The following BTBD9 variants were observed in gnomAD, a reference collection of about 807,000 sequenced individuals.
BTBD9 encodes BTB/POZ domain-containing protein 9.
In BTBD9, 49 loss-of-function variants were observed where a neutral mutation model predicts 64.3. The observed-to-expected ratio is 0.76, with a 90% CI of 0.61 to 0.97. BTBD9 has a LOEUF of 0.97. Ranked by LOEUF, BTBD9 falls within the 50% of genes least tolerant of loss-of-function variation. The pLI, the probability that BTBD9 is intolerant of heterozygous loss-of-function variation, is 0.00. For synonymous variants in BTBD9, 260 were observed against 274.7 expected (o/e 0.95, Z 0.53); for missense variants, 598 against 762.1 (o/e 0.78, Z 2.53).
At chr6:38,365,928 G>A (rs1765169613) in intron 6 of BTBD9, among the ~76,000 whole-genome samples, 1 of 152,140 alleles carries the variant, frequency 6.6e-6, no homozygotes, top group African/African-American at 2.4e-5. Context: ...GACAACTGCT[G>A]GTTCTCAAAA....
chr6:38,550,093 C>G (rs1007381408), intron 6 of BTBD9, among the ~76,000 whole-genome samples: 1 of 152,128 alleles, frequency 6.6e-6, no homozygotes, highest in African/African-American at 2.4e-5. Context: ...ATGTATCCAG[C>G]GCAGACTTCT....
Position 38,374,283 on chromosome 6 carries a change from G to GTATATATATATATATA in BTBD9, c.1155-29191_1155-29190insTATATATATATATATA, listed in dbSNP as rs57568036. Among the ~76,000 whole-genome samples, 33 of 45,468 alleles carry GTATATATATATATATA rather than the reference G, an allele frequency of 7.3e-4. No individual in the cohort carries two copies. In the East Asian group the frequency reaches 0.013, roughly 18 times the overall value. 29.8% of individuals were successfully genotyped at this position (45,468 alleles called of 152,430 possible). On this transcript the variant is annotated intron_variant, in intron 6 of 10. Coordinates refer to ENST00000481247, the MANE Select transcript of BTBD9 (RefSeq NM_001099272.2). ...GGCCTTGTGTCGAAAAAAAAAAAAA[G>GTATATATATATATATA]TATATATATATATGTATATATATGT...
In BTBD9 at chr6:38,174,775, C is replaced by G; in HGVS notation, c.*210G>C. The G allele has an allele frequency of 1.7e-6, 1 of 591,972 alleles. No homozygotes were observed. The highest frequency in any genetic ancestry group is 2.9e-6 in the Non-Finnish European group (1 of 341,366). The allele number at this position is 591,972 out of a possible 1,614,324, so 36.7% of individuals were successfully genotyped here. A position where few individuals can be genotyped will look rare whatever the true frequency, so the allele number is the denominator to read the frequency against. ...AAGACCCATTTTCTCCCCCTTGAGACCTGCCTGATTTGGATAAATTGAGAA... is the reference window on the plus strand; with the variant it reads ...AAGACCCATTTTCTCCCCCTTGAGAGCTGCCTGATTTGGATAAATTGAGAA... On this transcript the variant is annotated 3_prime_UTR_variant, in exon 11 of 11. Transcript: ENST00000481247.
chr6:38,596,028 A>G (rs933245779), intron 2 of BTBD9: 2 of 985,336 alleles, frequency 2.0e-6, no homozygotes, highest in African/African-American at 1.7e-5. Context: ...CAGAGGTTCA[A>G]TGTTTACTAT....
At chr6:38,343,758 T>C (rs1388434727) in intron 7 of BTBD9, among the ~76,000 whole-genome samples, 1 of 152,236 alleles carries the variant, frequency 6.6e-6, no homozygotes, top group Non-Finnish European at 1.5e-5. Flanking sequence ...GGCAGCTATT[T>C]CAGTTGAGCT....
chr6:38,333,726 C>T (rs773946137), intron 7 of BTBD9, among the ~76,000 whole-genome samples: 14 of 152,204 alleles, frequency 9.2e-5, no homozygotes, highest in Non-Finnish European at 1.9e-4. Context: ...CCCACAAAAC[C>T]ATGAGCCAAT....
chr6:38,290,267 T>C (rs1761907924), intron 7 of BTBD9, among the ~76,000 whole-genome samples: 1 of 151,558 alleles, frequency 6.6e-6, no homozygotes, highest in Non-Finnish European at 1.5e-5. Flanking sequence ...TGAAATTACC[T>C]GTAAGGACAG....
At chr6:38,462,018 T>A (rs1188927240) in intron 6 of BTBD9, among the ~76,000 whole-genome samples, 2 of 152,166 alleles carry the variant, frequency 1.3e-5, no homozygotes, top group Non-Finnish European at 2.9e-5. Flanking sequence ...CCCCCTGAGG[T>A]GTTTTTGTTG....
At chr6:38,387,812 T>C (rs2127619889) in intron 6 of BTBD9, among the ~76,000 whole-genome samples, 1 of 152,218 alleles carries the variant, frequency 6.6e-6, no homozygotes, top group African/African-American at 2.4e-5. Flanking sequence ...AATACATCCA[T>C]GCAGAATCAT....
intron 1 of BTBD9, among the ~76,000 whole-genome samples, chr6:38,637,935 G>T (rs1303546009): frequency 6.6e-6 from 1 of 152,116 alleles, no homozygotes; most frequent in Non-Finnish European, 1.5e-5. Flanking sequence ...TGATAAGCCC[G>T]CCTTAATCCT....
chr6:38,328,966 AT>A (rs1562031655), intron 7 of BTBD9, among the ~76,000 whole-genome samples: 3 of 93,032 alleles, frequency 3.2e-5, no homozygotes, highest in African/African-American at 1.6e-4. Context: ...AAGAAAGAAA[AT>A]ATGTGTGTGT....
intron 6 of BTBD9, among the ~76,000 whole-genome samples, chr6:38,529,916 C>A (rs958937545): frequency 1.3e-5 from 2 of 151,510 alleles, no homozygotes; most frequent in Admixed American, 6.6e-5. Context: ...TGACTGCCTG[C>A]GGGGTCAGGC....
chr6:38,291,965 C>CT (rs562126426), intron 7 of BTBD9, among the ~76,000 whole-genome samples: 5,316 of 142,946 alleles, frequency 0.037, 242 homozygotes, highest in African/African-American at 0.11. Flanking sequence ...TTTTTTCTTT[C>CT]TTTTTTTTTT....
intron 6 of BTBD9, among the ~76,000 whole-genome samples, chr6:38,409,404 AAGAT>A (rs1446004708): frequency 1.2e-4 from 19 of 152,376 alleles, no homozygotes; most frequent in Admixed American, 7.2e-4. Flanking sequence ...GAAAAGATGT[AAGAT>A]AGAGTACCCT....
intron 6 of BTBD9, among the ~76,000 whole-genome samples, chr6:38,489,579 G>A (rs1402961211): frequency 6.6e-6 from 1 of 152,072 alleles, no homozygotes; most frequent in South Asian, 2.1e-4. Context: ...CAATTCCATT[G>A]TGTGTATGTA....
intron 9 of BTBD9, among the ~76,000 whole-genome samples, chr6:38,226,420 G>A (rs1763394660): frequency 6.6e-6 from 1 of 152,150 alleles, no homozygotes; most frequent in Non-Finnish European, 1.5e-5. Context: ...CCTTGCTGCT[G>A]CTCCAACTCT....
At position 38,507,577 on chromosome 6, in the gene BTBD9, G is replaced by A. The variant is rs572342640; in HGVS notation, c.1154+70023C>T. Among the ~76,000 whole-genome samples the A allele has an allele frequency of 1.4e-4, 22 of 152,174 alleles. 1 individual carries two copies. Among genetic ancestry groups the A allele is most frequent in the South Asian group, 6.2e-4 (3 of 4,806 alleles). On this transcript the variant is annotated intron_variant, in intron 6 of 10. Coordinates refer to ENST00000481247, the MANE Select transcript of BTBD9 (RefSeq NM_001099272.2). ...ATGGAAATGTCTTACTGACCTCTCCGTGACATTTAATCCTGTTCATCACTC... is the reference window on the plus strand; with the variant it reads ...ATGGAAATGTCTTACTGACCTCTCCATGACATTTAATCCTGTTCATCACTC...
At chr6:38,299,417 C>T (rs1223253012) in intron 7 of BTBD9, among the ~76,000 whole-genome samples, 11 of 152,138 alleles carry the variant, frequency 7.2e-5, no homozygotes, top group Non-Finnish European at 1.5e-4. Flanking sequence ...TTCTAGATCC[C>T]TGAGGAATCG....
chr6:38,350,217 A>G (rs780592262), intron 6 of BTBD9, among the ~76,000 whole-genome samples: 106 of 152,200 alleles, frequency 7.0e-4, no homozygotes, highest in Non-Finnish European at 1.2e-3. Context: ...TTTGCTTTGG[A>G]GATTTCACAG....
Sources: allele counts gnomAD v4.1 joint callset (sites outside exome capture counted in the v4.1 genomes callset), GRCh38; gene constraint gnomAD v4.1.1; transcripts MANE v1.5; gene names NCBI Gene and HGNC (gene_info 2026-07-23, HGNC 2026-07-21).